Variants in DGKI observed in about 807,000 individuals in gnomAD.
DGKI encodes diacylglycerol kinase iota, also known as DAG kinase iota.
Under a neutral mutation model 147.5 loss-of-function variants are expected in DGKI, and 55 were observed. That is an observed-to-expected ratio of 0.37 (90% CI 0.30 to 0.47). The LOEUF (loss-of-function observed/expected upper bound fraction) is 0.47. Ranked by LOEUF, DGKI falls within the 20% of genes least tolerant of loss-of-function variation. The pLI, the probability that DGKI is intolerant of heterozygous loss-of-function variation, is 1.00. For synonymous variants in DGKI, 469 were observed against 477.1 expected, an observed-to-expected ratio of 0.98 and a Z score of 0.22; for missense variants, 1,007 against 1,323.8, an observed-to-expected ratio of 0.76 and a Z score of 3.71.
At chr7:137,404,918 T>G (rs1174691288) in intron 30 of DGKI, among the ~76,000 whole-genome samples, 4 of 152,164 alleles carry the variant, frequency 2.6e-5, no homozygotes, top group Admixed American at 2.6e-4. Flanking sequence ...GAGACTAATG[T>G]GCCAGATGAA....
intron 1 of DGKI, among the ~76,000 whole-genome samples, chr7:137,837,997 CTTTTTTTTTTT>C (rs777963342): frequency 1.8e-5 from 2 of 109,834 alleles, no homozygotes; most frequent in East Asian, 2.6e-4. Context: ...AAGGGAGAAA[CTTTTTTTTTTT>C]TTTTTTTTTT....
chr7:137,529,725 T>G (rs960304378), intron 20 of DGKI, among the ~76,000 whole-genome samples: 2 of 152,206 alleles, frequency 1.3e-5, no homozygotes, highest in Non-Finnish European at 2.9e-5. Flanking sequence ...GTTGATCCAA[T>G]TCTGGAATTT....
chr7:137,709,402 G>C (rs1794149277), intron 1 of DGKI, among the ~76,000 whole-genome samples: 1 of 152,098 alleles, frequency 6.6e-6, no homozygotes, highest in African/African-American at 2.4e-5. Flanking sequence ...AGTGATGTCA[G>C]CAAAAATGAA....
At chr7:137,468,464 G>T (rs1814746790) in intron 24 of DGKI, among the ~76,000 whole-genome samples, 1 of 152,120 alleles carries the variant, frequency 6.6e-6, no homozygotes, top group African/African-American at 2.4e-5. Flanking sequence ...AATGACAAAT[G>T]ATTATGTTTC....
intron 1 of DGKI, among the ~76,000 whole-genome samples, chr7:137,795,368 G>C (rs2038439948): frequency 6.6e-6 from 1 of 152,142 alleles, no homozygotes; most frequent in South Asian, 2.1e-4. Context: ...CATCCTCAGA[G>C]AATTATCACT....
At chr7:137,409,840 G>C (rs1463621774) in intron 29 of DGKI, among the ~76,000 whole-genome samples, 1 of 151,988 alleles carries the variant, frequency 6.6e-6, no homozygotes, top group African/African-American at 2.4e-5. Flanking sequence ...CACAGGGGTG[G>C]CTCCAGAGAT....
chr7:137,675,022 AGG>A (rs1161755596), intron 3 of DGKI, among the ~76,000 whole-genome samples: 1 of 152,244 alleles, frequency 6.6e-6, no homozygotes, highest in Non-Finnish European at 1.5e-5. Context: ...CCCAACAGGT[AGG>A]CTTTCTTCAA....
intron 19 of DGKI, among the ~76,000 whole-genome samples, chr7:137,563,983 T>TA (rs1199300043): frequency 1.3e-5 from 2 of 152,130 alleles, no homozygotes; most frequent in African/African-American, 4.8e-5. Flanking sequence ...AAAACACTGT[T>TA]AGAACAATAA....
intron 23 of DGKI, among the ~76,000 whole-genome samples, chr7:137,472,028 A>T (rs1436140186): frequency 7.7e-6 from 1 of 129,192 alleles, no homozygotes; most frequent in Non-Finnish European, 1.5e-5. Flanking sequence ...CATATATATT[A>T]TATACACACT....
chr7:137,729,910 G>T (rs1794822796), intron 1 of DGKI, among the ~76,000 whole-genome samples: 1 of 152,064 alleles, frequency 6.6e-6, no homozygotes, highest in Admixed American at 6.6e-5. Context: ...CTTGCTCGTT[G>T]ACACTGATCA....
chr7:137,567,031 G>A (rs1229663898), intron 19 of DGKI, among the ~76,000 whole-genome samples: 4 of 116,526 alleles, frequency 3.4e-5, no homozygotes, highest in East Asian at 4.6e-4. Context: ...TTGAGAGGCC[G>A]AGGCGGGTGG....
intron 6 of DGKI, among the ~76,000 whole-genome samples, chr7:137,643,670 C>G (rs553029488): frequency 1.4e-4 from 21 of 152,306 alleles, no homozygotes; most frequent in African/African-American, 4.8e-4. Flanking sequence ...TGATGGCTGG[C>G]TGAGAACACT....
chr7:137,710,740 AC>A (rs1470734498), intron 1 of DGKI, among the ~76,000 whole-genome samples: 1 of 152,126 alleles, frequency 6.6e-6, no homozygotes, highest in Non-Finnish European at 1.5e-5. Flanking sequence ...AATAGAACAC[AC>A]ACACACAAAA....
At chr7:137,459,470 A>ATTTTTTTTTTTTTTTTTT (rs68045398) in intron 27 of DGKI, among the ~76,000 whole-genome samples, 1 of 107,484 alleles carries the variant, frequency 9.3e-6, no homozygotes, top group Non-Finnish European at 1.8e-5. Flanking sequence ...AATTTTTTAA[A>ATTTTTTTTTTTTTTTTTT]TTTTTTTTTT....
At chr7:137,417,563 T>C (rs1647188) in intron 28 of DGKI, among the ~76,000 whole-genome samples, 142,715 of 152,206 alleles carry the variant, frequency 0.94, 67,577 homozygotes, top group East Asian at 1. Flanking sequence ...CAGACATCCA[T>C]GTGCGGAAGG....
intron 21 of DGKI, among the ~76,000 whole-genome samples, chr7:137,513,556 T>C (rs1489311828): frequency 6.6e-6 from 1 of 152,194 alleles, no homozygotes; most frequent in Non-Finnish European, 1.5e-5. Context: ...TGTCATTTAA[T>C]GAAAGGGATG....
intron 1 of DGKI, among the ~76,000 whole-genome samples, chr7:137,831,806 C>T (rs1042451938): frequency 7.2e-5 from 11 of 152,226 alleles, no homozygotes; most frequent in African/African-American, 2.2e-4. Context: ...TGAGACAAAG[C>T]AAGTCCCTTC....
Position 137,721,862 on chromosome 7 carries a change from A to C in DGKI, c.402-31860T>G, listed in dbSNP as rs1794567006. ...GGCAATGATCTGGCCCTTGGCACACATGGTTCCATTTGCCCAGAATGCTAA... is the reference window on the plus strand; with the variant it reads ...GGCAATGATCTGGCCCTTGGCACACCTGGTTCCATTTGCCCAGAATGCTAA... On this transcript the variant is annotated intron_variant, in intron 1 of 32. Transcript: ENST00000614521. The C allele has an allele frequency of 9.5e-6, 6 of 632,710 alleles. No individual in the cohort carries two copies. The South Asian group carries it at 1.1e-4, about 11-fold the overall frequency. The allele number at this position is 632,710 out of a possible 1,614,324, so 39.2% of individuals were successfully genotyped here. A position where few individuals can be genotyped will look rare whatever the true frequency, so the allele number is the denominator to read the frequency against.
At position 137,645,449 on chromosome 7, in the gene DGKI, C is replaced by A. The variant is rs564566575; in HGVS notation, c.804+23G>T. The A allele has an allele frequency of 8.1e-6, 13 of 1,610,216 alleles. No homozygotes were observed. In the African/African-American group the frequency reaches 1.6e-4, roughly 20 times the overall value. ...GAGGCCTGGGGAGCCTCCTGCGAGG[C>A]CATGAGGTGGCTGGGCTCTTACCTT... On this transcript the variant is annotated intron_variant, in intron 6 of 32. Transcript: ENST00000614521.
Sources: allele counts gnomAD v4.1 joint callset (sites outside exome capture counted in the v4.1 genomes callset), GRCh38; gene constraint gnomAD v4.1.1; transcripts MANE v1.5; gene names NCBI Gene and HGNC (gene_info 2026-07-23, HGNC 2026-07-21).